FSTL5: variants seen among roughly 807,000 people sequenced by gnomAD.
FSTL5 encodes the protein follistatin-related protein 5.
A neutral mutation model predicts 89.1 loss-of-function variants in FSTL5; 62 were observed. That is an observed-to-expected ratio of 0.70 (90% CI 0.57 to 0.86). FSTL5 has a LOEUF of 0.86. Ranked by LOEUF, FSTL5 falls within the 40% of genes least tolerant of loss-of-function variation. The pLI, the probability that FSTL5 is intolerant of heterozygous loss-of-function variation, is 0.00. For missense variants in FSTL5, 1,057 were observed against 1,001.6 expected (o/e 1.06, Z -0.75); for synonymous variants, 383 against 346.2 (o/e 1.11, Z -1.18).
At chr4:161,987,489 T>C (rs1349785307) in intron 3 of FSTL5, among the ~76,000 whole-genome samples, 2 of 143,638 alleles carry the variant, frequency 1.4e-5, no homozygotes, top group African/African-American at 2.7e-5. Flanking sequence ...TATATATACA[T>C]ACATATATAA....
intron 2 of FSTL5, among the ~76,000 whole-genome samples, chr4:162,035,031 A>T (rs992095689): frequency 2.6e-5 from 4 of 152,164 alleles, no homozygotes; most frequent in African/African-American, 9.6e-5. Flanking sequence ...TTAAAAATAC[A>T]TTAGTTTTTC....
At chr4:161,767,127 T>C (rs1299347312) in intron 5 of FSTL5, among the ~76,000 whole-genome samples, 1 of 152,238 alleles carries the variant, frequency 6.6e-6, no homozygotes, top group Non-Finnish European at 1.5e-5. Flanking sequence ...CTCCTTTTCA[T>C]AAGAAATTAT....
chr4:161,394,068 A>T (rs780728829), intron 15 of FSTL5, among the ~76,000 whole-genome samples: 18 of 152,154 alleles, frequency 1.2e-4, no homozygotes, highest in Admixed American at 9.2e-4. Flanking sequence ...AGCTACATGG[A>T]GTGAGGACGT....
intron 6 of FSTL5, among the ~76,000 whole-genome samples, chr4:161,677,305 G>C (rs1323303373): frequency 6.6e-6 from 1 of 151,662 alleles, no homozygotes; most frequent in Non-Finnish European, 1.5e-5. Flanking sequence ...GTCAGAGAGA[G>C]GCAGATAGAA....
chr4:161,683,706 T>A (rs1737604305), intron 6 of FSTL5, among the ~76,000 whole-genome samples: 1 of 152,180 alleles, frequency 6.6e-6, no homozygotes, highest in Non-Finnish European at 1.5e-5. Context: ...AAAACTTACA[T>A]GAGTAAAATT....
chr4:162,121,617 G>A (rs1043552660), intron 1 of FSTL5, among the ~76,000 whole-genome samples: 10 of 152,048 alleles, frequency 6.6e-5, no homozygotes, highest in African/African-American at 2.4e-4. Context: ...TTAAAATGAT[G>A]TCCTAATATG....
chr4:162,143,785 T>TACACACACAC (rs70946245), intron 1 of FSTL5, among the ~76,000 whole-genome samples: 73 of 138,658 alleles, frequency 5.3e-4, no homozygotes, highest in African/African-American at 1.9e-3. Flanking sequence ...TGACTTTAAA[T>TACACACACAC]ACACACACAC....
At chr4:161,960,076 T>A (rs1735133374) in intron 3 of FSTL5, among the ~76,000 whole-genome samples, 1 of 152,070 alleles carries the variant, frequency 6.6e-6, no homozygotes, top group Admixed American at 6.6e-5. Context: ...AGAACTTAAC[T>A]GTTTAATTAG....
At chr4:162,018,869 CAT>C (rs1225343094) in intron 3 of FSTL5, among the ~76,000 whole-genome samples, 1 of 152,138 alleles carries the variant, frequency 6.6e-6, no homozygotes, top group Non-Finnish European at 1.5e-5. Context: ...CCATCAATTA[CAT>C]GCTGAATACA....
At chr4:161,997,705 C>T (rs1447299668) in intron 3 of FSTL5, among the ~76,000 whole-genome samples, 3 of 150,512 alleles carry the variant, frequency 2.0e-5, no homozygotes, top group East Asian at 3.9e-4. Flanking sequence ...CCCGGGTGCA[C>T]GCTATTCTCC....
In FSTL5 at chr4:161,688,747, A is replaced by G. The variant is rs186037766; in HGVS notation, c.728-32253T>C. 8.1e-3 allele frequency among the ~76,000 whole-genome samples: 1,240 copies of G among 152,306 alleles called. 38 individuals carry two copies. In the South Asian group the frequency reaches 0.12, roughly 15 times the overall value. ...AAATATTTAATTATATTCTTTATAT[A>G]ATGAATGGCATCTTTCATTATGTTT... On this transcript the variant is annotated intron_variant, in intron 6 of 15. Coordinates refer to ENST00000306100, the MANE Select transcript of FSTL5 (RefSeq NM_020116.5).
At chr4:161,699,536 A>C (rs1303038799) in intron 6 of FSTL5, among the ~76,000 whole-genome samples, 1 of 152,170 alleles carries the variant, frequency 6.6e-6, no homozygotes. Context: ...AACTGTATGA[A>C]TTGCAGGCTG....
intron 4 of FSTL5, among the ~76,000 whole-genome samples, chr4:161,823,863 T>G (rs567672719): frequency 6.6e-6 from 1 of 152,186 alleles, no homozygotes; most frequent in African/African-American, 2.4e-5. Flanking sequence ...TGGGATTGTT[T>G]GTGTTTTCTT....
At chr4:162,124,914 A>G (rs545809697) in intron 1 of FSTL5, among the ~76,000 whole-genome samples, 30 of 152,296 alleles carry the variant, frequency 2.0e-4, no homozygotes, top group Non-Finnish European at 3.7e-4. Flanking sequence ...CGTGTTAGCC[A>G]GGATGGTCAC....
intron 3 of FSTL5, among the ~76,000 whole-genome samples, chr4:161,924,268 A>T (rs950724946): frequency 1.3e-5 from 2 of 151,612 alleles, no homozygotes; most frequent in African/African-American, 4.8e-5. Flanking sequence ...ATATTAAAAG[A>T]CTAAACATAC....
In FSTL5 at chr4:161,407,872, C is replaced by T. The variant is rs1731440521; in HGVS notation, c.1842-21423G>A. ...CAATGTGTTCCAACAGCTTGGAAAA[C>T]TTTCAGATTTCACACCACAGAAAGA... On this transcript the variant is annotated intron_variant, in intron 15 of 15. Transcript: ENST00000306100. Among the ~76,000 whole-genome samples the T allele has an allele frequency of 2.0e-5, 3 of 152,208 alleles. No individual in the cohort carries two copies. The South Asian group carries it at 6.2e-4, about 32-fold the overall frequency.
chr4:161,978,425 A>T (rs1187347143), intron 3 of FSTL5, among the ~76,000 whole-genome samples: 1 of 152,126 alleles, frequency 6.6e-6, no homozygotes, highest in Non-Finnish European at 1.5e-5. Flanking sequence ...TTTACATTAA[A>T]CTGATTAATA....
At chr4:161,938,752 C>A (rs1266611324) in intron 3 of FSTL5, among the ~76,000 whole-genome samples, 2 of 151,942 alleles carry the variant, frequency 1.3e-5, no homozygotes, top group African/African-American at 4.8e-5. Context: ...TTTGTCAGAG[C>A]ACTTGGTTAT....
intron 6 of FSTL5, among the ~76,000 whole-genome samples, chr4:161,684,127 T>G (rs970294134): frequency 9.2e-5 from 14 of 152,102 alleles, no homozygotes; most frequent in African/African-American, 2.7e-4. Flanking sequence ...GTACACATGG[T>G]ATACAGTAGT....
Sources: gnomAD v4.1 joint callset for allele counts (sites outside exome capture counted in the v4.1 genomes callset) on GRCh38, gnomAD v4.1.1 for gene constraint, MANE v1.5 for transcripts, NCBI Gene and HGNC (gene_info 2026-07-23, HGNC 2026-07-21) for gene names.